The following GPHN variants were observed in gnomAD, a reference collection of about 807,000 sequenced individuals.
GPHN encodes the protein gephyrin.
A neutral mutation model predicts 95.5 loss-of-function variants in GPHN; 17 were observed. The ratio of observed to expected loss-of-function variants is 0.18; its 90% CI spans 0.12 to 0.27. GPHN has a LOEUF of 0.27. GPHN is among the 10% of genes least tolerant of loss of function. The probability of loss-of-function intolerance (pLI) is 1.00; values close to 1 mark genes in which losing one functional copy is unlikely to be tolerated. For missense variants in GPHN, 660 were observed against 978.1 expected, an observed-to-expected ratio of 0.67 and a Z score of 4.34; for synonymous variants, 320 against 322.5, an observed-to-expected ratio of 0.99 and a Z score of 0.08.
intron 9 of GPHN, among the ~76,000 whole-genome samples, chr14:66,995,131 A>G (rs1042470368): frequency 1.3e-5 from 2 of 152,230 alleles, no homozygotes; most frequent in African/African-American, 4.8e-5. Flanking sequence ...TAGAGAATAC[A>G]TACTTAACAA....
the GPHN span, among the ~76,000 whole-genome samples, chr14:67,278,366 A>G: frequency 5.2e-4 from 78 of 149,866 alleles, no homozygotes; most frequent in Non-Finnish European, 9.2e-4. Flanking sequence ...TAATGGGACC[A>G]GTTATAAAGA....
chr14:67,398,472 AC>A, the GPHN span, among the ~76,000 whole-genome samples: 2 of 151,244 alleles, frequency 1.3e-5, no homozygotes. Flanking sequence ...CACCTAAACT[AC>A]CCTTCTCTTT....
chr14:66,638,220 G>A (rs2064205580), intron 1 of GPHN, among the ~76,000 whole-genome samples: 1 of 152,110 alleles, frequency 6.6e-6, no homozygotes, highest in Admixed American at 6.5e-5. Flanking sequence ...AATCACTTGA[G>A]ATCGGGAGTT....
At position 66,869,968 on chromosome 14, in the gene GPHN, G is replaced by T. The variant is rs538565208; in HGVS notation, c.295-9971G>T. ...CTTCTTTATTCAACAAATATTTGTT[G>T]AGCACATACTATATGTTGGGCTCCG... On this transcript the variant is annotated intron_variant, in intron 4 of 22. Coordinates refer to ENST00000478722, the MANE Select transcript of GPHN (RefSeq NM_020806.5). 3.6e-4 allele frequency among the ~76,000 whole-genome samples: 55 copies of T among 152,148 alleles called. 1 individual carries two copies. In the South Asian group the frequency reaches 8.3e-3, roughly 23 times the overall value.
chr14:66,632,489 C>CTTTTTTT, intron 1 of GPHN, among the ~76,000 whole-genome samples: 1 of 122,016 alleles, frequency 8.2e-6, no homozygotes, highest in Non-Finnish European at 1.9e-5. Context: ...ACAATACATT[C>CTTTTTTT]TTTTTTTTTT....
the GPHN span, among the ~76,000 whole-genome samples, chr14:67,348,444 A>T: frequency 5.3e-3 from 800 of 151,770 alleles, 3 homozygotes; most frequent in Middle Eastern, 0.038. Context: ...TGACCTTGTG[A>T]TCCGCCCACC....
At chr14:67,661,566 T>G in the GPHN span, among the ~76,000 whole-genome samples, 2 of 133,720 alleles carry the variant, frequency 1.5e-5, no homozygotes, top group African/African-American at 5.7e-5. Context: ...CAGGTCTCAC[T>G]CTGTCACCCA....
chr14:66,933,408 AT>A (rs1431278930), intron 8 of GPHN, among the ~76,000 whole-genome samples: 1 of 152,160 alleles, frequency 6.6e-6, no homozygotes, highest in Non-Finnish European at 1.5e-5. Flanking sequence ...TATATATACT[AT>A]TTGGCTTACT....
chr14:67,722,619 A>T, the GPHN span: 1 of 1,608,432 alleles, frequency 6.2e-7, no homozygotes, highest in Non-Finnish European at 8.5e-7. Context: ...AGCAAAAGCA[A>T]CAGCAGCTAC....
At chr14:66,952,827 T>C (rs2068196904) in intron 8 of GPHN, among the ~76,000 whole-genome samples, 1 of 152,084 alleles carries the variant, frequency 6.6e-6, no homozygotes. Context: ...CTCAAGTAGC[T>C]AGGATTACAG....
At chr14:66,532,394 A>G (rs2058977395) in intron 1 of GPHN, among the ~76,000 whole-genome samples, 2 of 152,184 alleles carry the variant, frequency 1.3e-5, no homozygotes, top group Non-Finnish European at 1.5e-5. Flanking sequence ...TTCTAAGAGC[A>G]AGCATTGTGA....
intron 3 of GPHN, among the ~76,000 whole-genome samples, chr14:66,791,506 T>A (rs796108249): frequency 8.5e-5 from 13 of 152,344 alleles, no homozygotes; most frequent in African/African-American, 3.1e-4. Context: ...AGGGGTACAT[T>A]ATTCATGAGT....
chr14:66,629,118 T>G (rs1243548309), intron 1 of GPHN, among the ~76,000 whole-genome samples: 1 of 135,530 alleles, frequency 7.4e-6, no homozygotes, highest in Middle Eastern at 3.4e-3. Context: ...TATACATATA[T>G]AAATATGTAT....
At chr14:66,744,237 C>A (rs1266771271) in intron 2 of GPHN, among the ~76,000 whole-genome samples, 2 of 152,160 alleles carry the variant, frequency 1.3e-5, no homozygotes, top group Admixed American at 1.3e-4. Flanking sequence ...ACGCTACTTT[C>A]TTTTCCATAT....
chr14:66,865,413 T>G (rs1163375377), intron 4 of GPHN, among the ~76,000 whole-genome samples: 1 of 152,078 alleles, frequency 6.6e-6, no homozygotes, highest in East Asian at 1.9e-4. Flanking sequence ...TTTCAAATTT[T>G]TTAAACTAAA....
intron 1 of GPHN, among the ~76,000 whole-genome samples, chr14:66,642,711 G>T (rs1425320544): frequency 6.6e-6 from 1 of 151,908 alleles, no homozygotes; most frequent in Non-Finnish European, 1.5e-5. Context: ...TTACTTCCAG[G>T]AACAGGTCTG....
chr14:67,065,874 G>A (rs910381446), intron 11 of GPHN, among the ~76,000 whole-genome samples: 1 of 151,884 alleles, frequency 6.6e-6, no homozygotes, highest in Non-Finnish European at 1.5e-5. Context: ...CATTGATGGG[G>A]CTTGACTCTT....
chr14:67,144,286 TACACACAC>T (rs1555502099), intron 18 of GPHN, among the ~76,000 whole-genome samples: 1 of 78,124 alleles, frequency 1.3e-5, no homozygotes, highest in Non-Finnish European at 2.3e-5. Flanking sequence ...TATATATATA[TACACACAC>T]ACATACACAA....
intron 1 of GPHN, among the ~76,000 whole-genome samples, chr14:66,570,581 C>T (rs1247616410): frequency 8.7e-5 from 11 of 126,728 alleles, no homozygotes. Context: ...GCCGAGATTA[C>T]AGGCATGATC....
Sources: allele counts gnomAD v4.1 joint callset (sites outside exome capture counted in the v4.1 genomes callset), GRCh38; gene constraint gnomAD v4.1.1; transcripts MANE v1.5; gene names NCBI Gene and HGNC (gene_info 2026-07-23, HGNC 2026-07-21).